The following TTC28 variants were observed in gnomAD, a reference collection of about 807,000 sequenced individuals.
The protein encoded by TTC28 is tetratricopeptide repeat protein 28.
TTC28 carries 61 observed loss-of-function variants against 198.0 expected under a neutral mutation model. The observed-to-expected ratio is 0.31, with a 90% CI of 0.25 to 0.38. The LOEUF (loss-of-function observed/expected upper bound fraction) is 0.38, where lower values mean the gene tolerates loss of function less well. Ranked by LOEUF, TTC28 falls within the 10% of genes least tolerant of loss-of-function variation. The pLI is 1.00. For synonymous variants in TTC28, 1,171 were observed against 1,297.8 expected (o/e 0.90, Z 2.10); for missense variants, 2,678 against 3,164.0 (o/e 0.85, Z 3.69).
At chr22:28,037,002 C>T (rs199579780) in intron 12 of TTC28, among the ~76,000 whole-genome samples, 3,326 of 151,576 alleles carry the variant, frequency 0.022, 37 homozygotes, top group Non-Finnish European at 0.027. Context: ...GACCAATAGG[C>T]TCTGAAATTG....
At chr22:28,102,639 T>C (rs1343541898) in intron 8 of TTC28, among the ~76,000 whole-genome samples, 1 of 152,154 alleles carries the variant, frequency 6.6e-6, no homozygotes, top group African/African-American at 2.4e-5. Context: ...CTTCTTCTAA[T>C]CTAATTCAGG....
chr22:28,383,386 C>T (rs756323306), intron 2 of TTC28, among the ~76,000 whole-genome samples: 1 of 152,154 alleles, frequency 6.6e-6, no homozygotes, highest in Non-Finnish European at 1.5e-5. Flanking sequence ...CCCATTTCTA[C>T]TTATTATTTG....
chr22:28,636,713 A>G (rs1429970038), intron 1 of TTC28, among the ~76,000 whole-genome samples: 1 of 151,310 alleles, frequency 6.6e-6, no homozygotes, highest in East Asian at 1.9e-4. Flanking sequence ...CATTTTAAAA[A>G]TCAGATTATT....
Position 28,349,109 on chromosome 22 carries a change from C to G in TTC28, c.382-42466G>C, listed in dbSNP as rs562971717. 4.0e-4 allele frequency among the ~76,000 whole-genome samples: 61 copies of G among 152,164 alleles called. 1 individual carries two copies. The highest frequency in any genetic ancestry group is 4.0e-3 in the Admixed American group (61 of 15,276). ...GGGGTTGCAGTAGAGACAATTAGGG[C>G]CTTTGGAAAAGCAGAGCAGAAGGTA... On this transcript the variant is annotated intron_variant, in intron 2 of 22. Coordinates refer to ENST00000397906, the MANE Select transcript of TTC28 (RefSeq NM_001145418.2).
At chr22:28,219,928 A>T (rs1396884426) in intron 5 of TTC28, among the ~76,000 whole-genome samples, 3 of 152,220 alleles carry the variant, frequency 2.0e-5, no homozygotes, top group Non-Finnish European at 4.4e-5. Flanking sequence ...CACTCTCAAG[A>T]AAATCTTTAA....
chr22:28,582,727 TA>T (rs2050250114), intron 2 of TTC28, among the ~76,000 whole-genome samples: 1 of 152,148 alleles, frequency 6.6e-6, no homozygotes, highest in Non-Finnish European at 1.5e-5. Context: ...CTCATCAAAT[TA>T]AAAACAAGAA....
intron 12 of TTC28, among the ~76,000 whole-genome samples, chr22:28,071,717 A>G (rs1940975876): frequency 6.1e-5 from 9 of 148,434 alleles, no homozygotes. Context: ...CATGTACCCT[A>G]AAACTTAAAG....
intron 2 of TTC28, among the ~76,000 whole-genome samples, chr22:28,369,058 C>A (rs1160260025): frequency 6.6e-6 from 1 of 151,920 alleles, no homozygotes; most frequent in Admixed American, 6.6e-5. Flanking sequence ...ATACCAATGG[C>A]ATTCTTCACA....
intron 2 of TTC28, among the ~76,000 whole-genome samples, chr22:28,435,221 A>C (rs960482420): frequency 8.5e-5 from 13 of 152,212 alleles, no homozygotes; most frequent in Non-Finnish European, 1.9e-4. Context: ...AGAATACTCA[A>C]AATAACAATG....
chr22:28,011,337 C>T (rs893489941), intron 14 of TTC28, among the ~76,000 whole-genome samples: 3 of 152,140 alleles, frequency 2.0e-5, no homozygotes, highest in African/African-American at 2.4e-5. Flanking sequence ...GGTTCACGCC[C>T]GTAATGCCAA....
intron 6 of TTC28, among the ~76,000 whole-genome samples, chr22:28,161,493 A>T (rs1013960179): frequency 6.6e-6 from 1 of 152,208 alleles, no homozygotes; most frequent in Non-Finnish European, 1.5e-5. Flanking sequence ...ACTAAGAAAG[A>T]AAGAAATTAG....
At chr22:28,224,012 C>T (rs545454710) in intron 5 of TTC28, among the ~76,000 whole-genome samples, 1 of 152,146 alleles carries the variant, frequency 6.6e-6, no homozygotes, top group Non-Finnish European at 1.5e-5. Context: ...CAATTTCCTC[C>T]CTCCAGGGAC....
chr22:27,994,985 C>T (rs933640454), intron 17 of TTC28, among the ~76,000 whole-genome samples: 11 of 152,120 alleles, frequency 7.2e-5, no homozygotes, highest in Non-Finnish European at 1.0e-4. Context: ...ACTGGGGGCA[C>T]GCTGGGGGCT....
chr22:28,307,986 T>C (rs940037391), intron 2 of TTC28, among the ~76,000 whole-genome samples: 2 of 152,198 alleles, frequency 1.3e-5, no homozygotes, highest in Non-Finnish European at 2.9e-5. Flanking sequence ...ATCTTACTTT[T>C]ATAATGACTA....
At position 28,132,534 on chromosome 22, in the gene TTC28, CTG is replaced by C. The variant is rs532489321; in HGVS notation, c.1442-24133_1442-24132del. Among the ~76,000 whole-genome samples the C allele has an allele frequency of 1.4e-4, 22 of 152,284 alleles. No individual in the cohort carries two copies. The South Asian group carries it at 4.6e-3, about 32-fold the overall frequency. On this transcript the variant is annotated intron_variant, in intron 6 of 22. Coordinates refer to ENST00000397906, the MANE Select transcript of TTC28 (RefSeq NM_001145418.2). ...TTTCATCAGTAAAGTAAGAGTTAGA[CTG>C]AATATTTTTCAAAAAACCCTTTCCA...
At chr22:28,458,229 ATT>A (rs958658750) in intron 2 of TTC28, among the ~76,000 whole-genome samples, 1 of 152,200 alleles carries the variant, frequency 6.6e-6, no homozygotes, top group African/African-American at 2.4e-5. Flanking sequence ...AACACAATAC[ATT>A]TAAATGAATA....
At chr22:28,328,403 T>A (rs1424819639) in intron 2 of TTC28, among the ~76,000 whole-genome samples, 1 of 151,544 alleles carries the variant, frequency 6.6e-6, no homozygotes, top group Non-Finnish European at 1.5e-5. Context: ...ATCACACCAC[T>A]CCACTTCAGC....
chr22:28,277,185 G>A (rs559114989), intron 5 of TTC28, among the ~76,000 whole-genome samples: 6 of 152,286 alleles, frequency 3.9e-5, no homozygotes, highest in South Asian at 2.1e-4. Flanking sequence ...TCTGGTTAGC[G>A]AGTCTGCAGA....
At chr22:28,126,549 T>C (rs1022770792) in intron 6 of TTC28, among the ~76,000 whole-genome samples, 5 of 152,288 alleles carry the variant, frequency 3.3e-5, no homozygotes, top group Admixed American at 2.6e-4. Flanking sequence ...CCCCACTATG[T>C]TGATTTAGAT....
Sources: allele counts gnomAD v4.1 joint callset (sites outside exome capture counted in the v4.1 genomes callset), GRCh38; gene constraint gnomAD v4.1.1; transcripts MANE v1.5; gene names NCBI Gene and HGNC (gene_info 2026-07-23, HGNC 2026-07-21).